The following BCL2L1 variants were observed in gnomAD, a reference collection of about 807,000 sequenced individuals.
BCL2L1 encodes BCL2 like 1, also known as bcl-2-like protein 1.
BCL2L1 carries 1 observed loss-of-function variant against 18.7 expected under a neutral mutation model. That is an observed-to-expected ratio of 0.05 (90% CI 0.02 to 0.25). BCL2L1 has a LOEUF of 0.25. Ranked by LOEUF, BCL2L1 falls within the 10% of genes least tolerant of loss-of-function variation. The pLI is 1.00. For synonymous variants in BCL2L1, 103 were observed against 122.7 expected, an observed-to-expected ratio of 0.84 and a Z score of 1.06; for missense variants, 207 against 304.9, an observed-to-expected ratio of 0.68 and a Z score of 2.39.
At chr20:31,723,754 T>TA, upstream of BCL2L1, 1 of 985,306 alleles carries the variant, frequency 1.0e-6, no homozygotes. Context: ...CCGCGAGCCG[T>TA]GGGGGGCCAC....
At chr20:31,676,818 T>C (rs2060770052) in intron 2 of BCL2L1, among the ~76,000 whole-genome samples, 1 of 152,262 alleles carries the variant, frequency 6.6e-6, no homozygotes, top group South Asian at 2.1e-4. Context: ...GAGGGCATTC[T>C]CTCCTTATGC....
chr20:31,723,760 G>C (rs541342078), upstream of BCL2L1: 3 of 985,324 alleles, frequency 3.0e-6, no homozygotes, highest in Admixed American at 1.8e-4. Flanking sequence ...GCCGTGGGGG[G>C]CCACATCCCC....
intron 2 of BCL2L1, among the ~76,000 whole-genome samples, chr20:31,695,654 T>A (rs2061154993): frequency 6.6e-6 from 1 of 152,148 alleles, no homozygotes; most frequent in South Asian, 2.1e-4. Context: ...GCTTTGTCGC[T>A]CTGGCTGATC....
chr20:31,697,892 G>GTTTTTTTTTTTTTTTTTTGTTTGTT (rs199575410), intron 2 of BCL2L1, among the ~76,000 whole-genome samples: 1 of 129,638 alleles, frequency 7.7e-6, no homozygotes, highest in African/African-American at 3.3e-5. Flanking sequence ...TGCTGTTGCT[G>GTTTTTTTTTTTTTTTTTTGTTTGTT]TTTTTTTTTT....
intron 2 of BCL2L1, among the ~76,000 whole-genome samples, chr20:31,718,268 C>G (rs2061570223): frequency 6.6e-6 from 1 of 152,190 alleles, no homozygotes; most frequent in African/African-American, 2.4e-5. Flanking sequence ...CATCACTCCA[C>G]CACTAAGTAG....
At chr20:31,697,892 G>GTTTTTTGTTTTTTGTTTTTTGTTT (rs1555871495) in intron 2 of BCL2L1, among the ~76,000 whole-genome samples, 4 of 129,640 alleles carry the variant, frequency 3.1e-5, no homozygotes, top group African/African-American at 1.3e-4. Context: ...TGCTGTTGCT[G>GTTTTTTGTTTTTTGTTTTTTGTTT]TTTTTTTTTT....
chr20:31,708,635 T>TGTCAACGGCTCCCAATGCCCCGCC (rs2061406535), intron 2 of BCL2L1, among the ~76,000 whole-genome samples: 1 of 152,072 alleles, frequency 6.6e-6, no homozygotes, highest in Non-Finnish European at 1.5e-5. Flanking sequence ...TGAGCCCAGC[T>TGTCAACGGCTCCCAATGCCCCGCC]GTCAACGGCT....
At chr20:31,712,317 A>G (rs963022286) in intron 2 of BCL2L1, among the ~76,000 whole-genome samples, 4 of 152,116 alleles carry the variant, frequency 2.6e-5, no homozygotes, top group African/African-American at 9.7e-5. Context: ...GCTACTTTGC[A>G]TAAATTGCTT....
At chr20:31,697,099 A>AT (rs1468004681) in intron 2 of BCL2L1, among the ~76,000 whole-genome samples, 10 of 152,050 alleles carry the variant, frequency 6.6e-5, no homozygotes, top group Admixed American at 5.9e-4. Context: ...GCATGTGCCT[A>AT]TATTTTAGCT....
chr20:31,716,126 G>C (rs1218598264), intron 2 of BCL2L1, among the ~76,000 whole-genome samples: 1 of 152,074 alleles, frequency 6.6e-6, no homozygotes, highest in East Asian at 1.9e-4. Flanking sequence ...CCTTCTTTGA[G>C]CCTCATATTT....
At chr20:31,689,471 C>A (rs2061023953) in intron 2 of BCL2L1, among the ~76,000 whole-genome samples, 1 of 150,544 alleles carries the variant, frequency 6.6e-6, no homozygotes, top group South Asian at 2.1e-4. Flanking sequence ...TAAAAATTAT[C>A]CCATGGTGGT....
At chr20:31,680,168 G>A (rs775444110) in intron 2 of BCL2L1, among the ~76,000 whole-genome samples, 3 of 152,204 alleles carry the variant, frequency 2.0e-5, no homozygotes, top group Admixed American at 1.3e-4. Flanking sequence ...AAAATTCAGC[G>A]AAGTGATGAG....
chr20:31,665,848 G>T lies in BCL2L1; in HGVS notation c.*101C>A. 1 of 1,484,380 alleles carries T rather than the reference G, an allele frequency of 6.7e-7. No individual in the cohort carries two copies. The highest frequency in any genetic ancestry group is 9.2e-7 in the Non-Finnish European group (1 of 1,087,542). 92.0% of individuals were successfully genotyped at this position (1,484,380 alleles called of 1,614,324 possible). A position where few individuals can be genotyped will look rare whatever the true frequency, so the allele number is the denominator to read the frequency against. ...ACCCTGTGATGGGCAGGTGGGCATG[G>T]GCTGCATGTAGTGGTTCTCCTGGTG... On this transcript the variant is annotated 3_prime_UTR_variant, in exon 3 of 3. Transcript: ENST00000307677.
At chr20:31,667,719 A>C (rs1307892046) in intron 2 of BCL2L1, among the ~76,000 whole-genome samples, 3 of 151,888 alleles carry the variant, frequency 2.0e-5, no homozygotes, top group African/African-American at 7.3e-5. Flanking sequence ...CAACCCCCTC[A>C]GTCCATGCTC....
intron 2 of BCL2L1, among the ~76,000 whole-genome samples, chr20:31,692,770 G>A (rs569934563): frequency 1.6e-4 from 25 of 152,268 alleles, no homozygotes; most frequent in Non-Finnish European, 2.8e-4. Context: ...TTAGCCAGGC[G>A]CAGTGGCAGG....
chr20:31,678,417 T>G (rs934022017), intron 2 of BCL2L1, among the ~76,000 whole-genome samples: 1 of 152,094 alleles, frequency 6.6e-6, no homozygotes, highest in Admixed American at 6.6e-5. Flanking sequence ...AACTGTCAAA[T>G]GAAGTGGGAA....
chr20:31,690,931 CTG>C, intron 2 of BCL2L1, among the ~76,000 whole-genome samples: 1 of 151,704 alleles, frequency 6.6e-6, no homozygotes, highest in South Asian at 2.1e-4. Context: ...GGTGGCTCAC[CTG>C]AGGTCAGGCA....
intron 2 of BCL2L1, among the ~76,000 whole-genome samples, chr20:31,671,118 G>A (rs2060662583): frequency 6.6e-6 from 1 of 152,054 alleles, no homozygotes; most frequent in African/African-American, 2.4e-5. Flanking sequence ...ACTTCCATGT[G>A]GGGGTTTGTA....
At chr20:31,684,146 C>T (rs1354143066) in intron 2 of BCL2L1, among the ~76,000 whole-genome samples, 2 of 152,144 alleles carry the variant, frequency 1.3e-5, no homozygotes. Flanking sequence ...TGCCTTGGAA[C>T]CACAGCCCTG....
Sources: allele counts gnomAD v4.1 joint callset (sites outside exome capture counted in the v4.1 genomes callset), GRCh38; gene constraint gnomAD v4.1.1; transcripts MANE v1.5; gene names NCBI Gene and HGNC (gene_info 2026-07-23, HGNC 2026-07-21).